SLX4IP: variants seen among roughly 807,000 people sequenced by gnomAD.
SLX4IP encodes the protein protein SLX4IP.
In SLX4IP, 34 loss-of-function variants were observed where a neutral mutation model predicts 32.9. The observed-to-expected ratio is 1.03, with a 90% CI of 0.79 to 1.38. SLX4IP has a LOEUF of 1.38. Ranked by LOEUF, SLX4IP falls within the 40% of genes most tolerant of loss-of-function variation. The pLI is 0.00. For synonymous variants in SLX4IP, 172 were observed against 171.7 expected, an observed-to-expected ratio of 1.00 and a Z score of -0.01; for missense variants, 444 against 479.0, an observed-to-expected ratio of 0.93 and a Z score of 0.68.
intron 2 of SLX4IP, among the ~76,000 whole-genome samples, chr20:10,507,357 G>A (rs1329153169): frequency 1.3e-5 from 2 of 152,152 alleles, no homozygotes; most frequent in Non-Finnish European, 2.9e-5. Context: ...CACTATGACT[G>A]CCCCTTTAAA....
At chr20:10,582,824 A>T (rs965411618) in intron 4 of SLX4IP, among the ~76,000 whole-genome samples, 1 of 152,154 alleles carries the variant, frequency 6.6e-6, no homozygotes, top group Non-Finnish European at 1.5e-5. Flanking sequence ...CTTCCTTATA[A>T]AATGTTATTT....
At chr20:10,496,275 C>T (rs918820357) in intron 2 of SLX4IP, among the ~76,000 whole-genome samples, 9 of 152,070 alleles carry the variant, frequency 5.9e-5, no homozygotes, top group Admixed American at 2.0e-4. Flanking sequence ...ATCATTTCTA[C>T]GTGTTGGCAA....
chr20:10,565,578 A>G (rs1360611451), intron 4 of SLX4IP, among the ~76,000 whole-genome samples: 1 of 152,226 alleles, frequency 6.6e-6, no homozygotes, highest in Non-Finnish European at 1.5e-5. Context: ...CCTAGTTACA[A>G]GTGAGTCAGG....
chr20:10,502,738 C>T (rs1259031502), intron 2 of SLX4IP, among the ~76,000 whole-genome samples: 1 of 152,006 alleles, frequency 6.6e-6, no homozygotes, highest in Non-Finnish European at 1.5e-5. Flanking sequence ...TTTCATCATA[C>T]TCAAGTCATC....
intron 2 of SLX4IP, among the ~76,000 whole-genome samples, chr20:10,514,950 T>G (rs1212377045): frequency 1.3e-5 from 2 of 152,188 alleles, no homozygotes; most frequent in Non-Finnish European, 2.9e-5. Flanking sequence ...TCAAGATCTC[T>G]TCTTTGGGAA....
At chr20:10,583,725 C>T (rs149534773) in intron 4 of SLX4IP, among the ~76,000 whole-genome samples, 19 of 152,230 alleles carry the variant, frequency 1.2e-4, no homozygotes, top group Non-Finnish European at 1.9e-4. Context: ...TCTAATTTCA[C>T]GCTAACAATG....
intron 2 of SLX4IP, among the ~76,000 whole-genome samples, chr20:10,473,722 C>A (rs1383781043): frequency 6.6e-6 from 1 of 152,094 alleles, no homozygotes; most frequent in Admixed American, 6.5e-5. Context: ...CCTGCCTCAG[C>A]CTCCCAAGTA....
At chr20:10,517,004 C>T (rs1257397383) in intron 2 of SLX4IP, among the ~76,000 whole-genome samples, 2 of 152,216 alleles carry the variant, frequency 1.3e-5, no homozygotes, top group Non-Finnish European at 2.9e-5. Context: ...CAACCTGCAA[C>T]TTAAAACCTG....
chr20:10,442,708 G>T (rs1006729119), intron 1 of SLX4IP, among the ~76,000 whole-genome samples: 2 of 152,176 alleles, frequency 1.3e-5, no homozygotes, highest in African/African-American at 4.8e-5. Flanking sequence ...TGTAAACCTG[G>T]TCACTGAGCT....
intron 2 of SLX4IP, among the ~76,000 whole-genome samples, chr20:10,487,320 G>C (rs1194804908): frequency 5.3e-5 from 8 of 152,164 alleles, no homozygotes. Flanking sequence ...TCATGTGTTT[G>C]TCAAGAGGCC....
chr20:10,611,471 G>T (rs1212264449), intron 6 of SLX4IP, among the ~76,000 whole-genome samples: 4 of 152,184 alleles, frequency 2.6e-5, no homozygotes, highest in Non-Finnish European at 4.4e-5. Context: ...CACTGTGTTG[G>T]CTTCACTCTC....
intron 2 of SLX4IP, among the ~76,000 whole-genome samples, chr20:10,510,154 T>G (rs1384900840): frequency 4.6e-5 from 7 of 152,242 alleles, no homozygotes; most frequent in Non-Finnish European, 8.8e-5. Flanking sequence ...TAATTTTAAA[T>G]TTTTAAAATT....
chr20:10,617,652 C>CTTTTTTTTTTTTTTTTTTTT (rs549525000), intron 6 of SLX4IP, among the ~76,000 whole-genome samples: 8 of 112,746 alleles, frequency 7.1e-5, no homozygotes, highest in Non-Finnish European at 1.1e-4. Context: ...TTCTTTCTTT[C>CTTTTTTTTTTTTTTTTTTTT]TTTTTTTTTT....
chr20:10,471,855 C>T (rs1600904325), intron 2 of SLX4IP, among the ~76,000 whole-genome samples: 2 of 152,116 alleles, frequency 1.3e-5, no homozygotes, highest in African/African-American at 4.8e-5. Flanking sequence ...TCAATGATAC[C>T]CTCTCTCTTC....
intron 4 of SLX4IP, among the ~76,000 whole-genome samples, chr20:10,589,010 A>G (rs572530380): frequency 1.8e-4 from 27 of 152,350 alleles, no homozygotes; most frequent in African/African-American, 5.5e-4. Context: ...TCATTTCACA[A>G]TAGATACATA....
chr20:10,518,519 T>C, intron 2 of SLX4IP, among the ~76,000 whole-genome samples: 1 of 134,722 alleles, frequency 7.4e-6, no homozygotes, highest in Non-Finnish European at 1.6e-5. Context: ...CCTTCCTTCC[T>C]TCCTTCCTTC....
chr20:10,494,122 A>G (rs1187410151), intron 2 of SLX4IP, among the ~76,000 whole-genome samples: 1 of 151,538 alleles, frequency 6.6e-6, no homozygotes, highest in Non-Finnish European at 1.5e-5. Flanking sequence ...CTTTGACAGT[A>G]TAATTTAGCA....
At chr20:10,614,545 G>A (rs1713671497) in intron 6 of SLX4IP, among the ~76,000 whole-genome samples, 1 of 152,128 alleles carries the variant, frequency 6.6e-6, no homozygotes, top group African/African-American at 2.4e-5. Context: ...CCAAAGATCT[G>A]CCGCCATAAA....
chr20:10,520,933 G>A (rs969231643), intron 2 of SLX4IP, among the ~76,000 whole-genome samples: 7 of 152,042 alleles, frequency 4.6e-5, no homozygotes, highest in African/African-American at 1.7e-4. Context: ...GTTTCTTCTG[G>A]TTTTCACCTT....
Sources: allele counts gnomAD v4.1 joint callset (sites outside exome capture counted in the v4.1 genomes callset), GRCh38; gene constraint gnomAD v4.1.1; transcripts MANE v1.5; gene names NCBI Gene and HGNC (gene_info 2026-07-23, HGNC 2026-07-21).